SORCS3: variants seen among roughly 807,000 people sequenced by gnomAD.
SORCS3 encodes VPS10 domain-containing receptor SorCS3.
In SORCS3, 57 loss-of-function variants were observed where a neutral mutation model predicts 146.3. That is an observed-to-expected ratio of 0.39 (90% CI 0.31 to 0.49). The LOEUF (loss-of-function observed/expected upper bound fraction) is 0.49, where lower values mean the gene tolerates loss of function less well. SORCS3 is among the 20% of genes least tolerant of loss of function. The pLI is 0.92. For missense variants in SORCS3, 1,341 were observed against 1,575.5 expected (o/e 0.85, Z 2.52); for synonymous variants, 653 against 618.5 (o/e 1.06, Z -0.83).
intron 7 of SORCS3, among the ~76,000 whole-genome samples, chr10:105,136,042 C>A (rs570902255): frequency 4.2e-4 from 64 of 152,268 alleles, no homozygotes; most frequent in Non-Finnish European, 8.1e-4. Context: ...TACACCTATT[C>A]ATTACCTGGT....
intron 3 of SORCS3, among the ~76,000 whole-genome samples, chr10:104,977,067 A>G (rs2054903370): frequency 6.6e-6 from 1 of 152,166 alleles, no homozygotes; most frequent in Non-Finnish European, 1.5e-5. Context: ...AATAATAAAA[A>G]AAAAAAAGTT....
intron 13 of SORCS3, among the ~76,000 whole-genome samples, chr10:105,176,187 C>A (rs553181031): frequency 1.3e-5 from 2 of 151,896 alleles, no homozygotes; most frequent in Non-Finnish European, 2.9e-5. Flanking sequence ...AACTATATGC[C>A]AGGTTTTCTG....
intron 25 of SORCS3, among the ~76,000 whole-genome samples, chr10:105,258,554 CT>C (rs1033573175): frequency 6.6e-6 from 1 of 152,160 alleles, no homozygotes; most frequent in African/African-American, 2.4e-5. Context: ...TGTAAAGAGT[CT>C]TTTGTGGCTT....
At chr10:105,129,791 AG>A (rs2056004825) in intron 7 of SORCS3, among the ~76,000 whole-genome samples, 1 of 152,112 alleles carries the variant, frequency 6.6e-6, no homozygotes, top group Non-Finnish European at 1.5e-5. Context: ...CAGAACACAA[AG>A]ATAAGTCTCG....
chr10:105,014,134 T>C (rs1356412997), intron 4 of SORCS3, among the ~76,000 whole-genome samples: 1 of 148,796 alleles, frequency 6.7e-6, no homozygotes, highest in African/African-American at 2.4e-5. Context: ...TATATATATA[T>C]AACAACGTAA....
intron 3 of SORCS3, among the ~76,000 whole-genome samples, chr10:104,936,576 A>G (rs2019262908): frequency 2.6e-5 from 4 of 152,176 alleles, no homozygotes; most frequent in African/African-American, 9.7e-5. Context: ...GCTGAGTTTG[A>G]TACTATGGGA....
intron 2 of SORCS3, among the ~76,000 whole-genome samples, chr10:104,893,123 A>C (rs1048471094): frequency 7.9e-5 from 12 of 152,298 alleles, no homozygotes; most frequent in African/African-American, 2.4e-4. Context: ...TTATTAGCAC[A>C]CTAGTTCATT....
chr10:105,164,013 G>A (rs965342136), intron 11 of SORCS3, among the ~76,000 whole-genome samples: 1 of 152,114 alleles, frequency 6.6e-6, no homozygotes, highest in African/African-American at 2.4e-5. Context: ...CAGGAGCAAT[G>A]TGAGAGATTA....
At chr10:105,030,399 C>G (rs2055257671) in intron 4 of SORCS3, among the ~76,000 whole-genome samples, 1 of 152,106 alleles carries the variant, frequency 6.6e-6, no homozygotes, top group South Asian at 2.1e-4. Context: ...GGTCTGTTAC[C>G]TCCAGCAGGC....
intron 21 of SORCS3, among the ~76,000 whole-genome samples, chr10:105,246,107 G>T (rs1057288591): frequency 1.3e-5 from 2 of 152,156 alleles, no homozygotes; most frequent in East Asian, 1.9e-4. Context: ...GATTGTTGGA[G>T]ATTTGAATAT....
chr10:104,991,471 A>G (rs1203681902), intron 4 of SORCS3, among the ~76,000 whole-genome samples: 1 of 141,864 alleles, frequency 7.0e-6, no homozygotes, highest in Non-Finnish European at 1.5e-5. Flanking sequence ...TCTTTCCTCT[A>G]TGTCTTTCTA....
intron 14 of SORCS3, among the ~76,000 whole-genome samples, chr10:105,182,085 A>G (rs1003776110): frequency 2.0e-5 from 3 of 152,014 alleles, no homozygotes; most frequent in Non-Finnish European, 2.9e-5. Flanking sequence ...GAAAAAAAAA[A>G]TCTTAGAAGG....
chr10:104,893,021 A>T (rs1474698712), intron 2 of SORCS3, among the ~76,000 whole-genome samples: 1 of 152,156 alleles, frequency 6.6e-6, no homozygotes, highest in African/African-American at 2.4e-5. Flanking sequence ...CCTAAATGGA[A>T]TCTCCTTTTA....
intron 16 of SORCS3, among the ~76,000 whole-genome samples, chr10:105,201,987 T>C (rs1450215705): frequency 1.3e-5 from 2 of 152,158 alleles, no homozygotes; most frequent in Non-Finnish European, 2.9e-5. Flanking sequence ...CTCCTTTTCT[T>C]TCACTGTCAG....
At chr10:104,695,062 T>C (rs984959701) in intron 1 of SORCS3, among the ~76,000 whole-genome samples, 32 of 152,280 alleles carry the variant, frequency 2.1e-4, no homozygotes, top group East Asian at 1.5e-3. Context: ...AAGGAAGCCC[T>C]CGTGTCGATT....
rs1333094975 is a variant in SORCS3, at chr10:104,741,721, T to G, written c.627+99767T>G. Among the ~76,000 whole-genome samples, 3 of 140,512 alleles carry G rather than the reference T, an allele frequency of 2.1e-5. No homozygotes were observed. In the Admixed American group the frequency reaches 2.2e-4, roughly 10 times the overall value. 92.2% of individuals were successfully genotyped at this position (140,512 alleles called of 152,430 possible). On this transcript the variant is annotated intron_variant, in intron 1 of 26. Transcript: ENST00000369701. ...CTGGGTTTTTTTTTTTTTTTTTTTT[T>G]TTTTTTTTTTTGCCTAGCCTTTGAG...
intron 2 of SORCS3, among the ~76,000 whole-genome samples, chr10:104,849,365 T>C (rs2018244791): frequency 7.0e-6 from 1 of 141,932 alleles, no homozygotes; most frequent in Non-Finnish European, 1.5e-5. Context: ...TGAGCTGAGT[T>C]GATGCCACTG....
intron 4 of SORCS3, among the ~76,000 whole-genome samples, chr10:105,033,751 C>T (rs968706770): frequency 1.7e-4 from 26 of 152,114 alleles, no homozygotes; most frequent in African/African-American, 5.6e-4. Context: ...TCTTCCTCAC[C>T]GACTTCCTAT....
At chr10:105,017,938 A>G (rs79836964) in intron 4 of SORCS3, among the ~76,000 whole-genome samples, 5,375 of 152,260 alleles carry the variant, frequency 0.035, 162 homozygotes, top group East Asian at 0.15. Flanking sequence ...GATGTAATCT[A>G]TGGAATGCAT....
Sources: gnomAD v4.1 joint callset for allele counts (sites outside exome capture counted in the v4.1 genomes callset) on GRCh38, gnomAD v4.1.1 for gene constraint, MANE v1.5 for transcripts, NCBI Gene and HGNC (gene_info 2026-07-23, HGNC 2026-07-21) for gene names.